Variants in NEK11 observed in about 807,000 individuals in gnomAD.
NEK11 encodes NIMA related kinase 11, also known as serine/threonine-protein kinase Nek11.
In NEK11, 72 loss-of-function variants were observed where a neutral mutation model predicts 80.7. The observed-to-expected ratio is 0.89, with a 90% CI of 0.74 to 1.08. The LOEUF (loss-of-function observed/expected upper bound fraction) is 1.08, where lower values mean the gene tolerates loss of function less well. Among genes scored for constraint, NEK11 ranks in the 50% least tolerant of loss-of-function variants. The pLI is 0.00. For missense variants in NEK11, 764 were observed against 763.6 expected (o/e 1.00, Z -0.01); for synonymous variants, 251 against 260.7 (o/e 0.96, Z 0.36).
intron 4 of NEK11, among the ~76,000 whole-genome samples, chr3:131,102,423 C>T (rs1025262300): frequency 6.6e-6 from 1 of 152,104 alleles, no homozygotes; most frequent in South Asian, 2.1e-4. Context: ...TTTATTTCTC[C>T]TTCACTTATG....
intron 3 of NEK11, among the ~76,000 whole-genome samples, chr3:131,070,732 G>A (rs2073128786): frequency 6.6e-6 from 1 of 152,138 alleles, no homozygotes; most frequent in Non-Finnish European, 1.5e-5. Flanking sequence ...TTACTCATTA[G>A]ACACTGAAGA....
rs1487188824 is a variant in NEK11 at position 131,058,209 on chromosome 3, C to T, written c.171-22214C>T. Among the ~76,000 whole-genome samples the T allele has an allele frequency of 4.6e-5, 7 of 152,024 alleles. No individual in the cohort carries two copies. The South Asian group carries it at 6.2e-4, about 14-fold the overall frequency. On this transcript the variant is annotated intron_variant, in intron 3 of 17. Coordinates refer to ENST00000383366, the MANE Select transcript of NEK11 (RefSeq NM_024800.5). ...AGATCAGATAGTTGTAGATATGCGG[C>T]GTTATTTCTGAGGGCTCTGTTCTGT...
chr3:131,115,952 T>TTCTTTCTTTTCTTTCTTTCTTTC (rs2081072895), intron 5 of NEK11, among the ~76,000 whole-genome samples: 1 of 133,104 alleles, frequency 7.5e-6, no homozygotes, highest in African/African-American at 2.9e-5. Flanking sequence ...CTTTCTTTCT[T>TTCTTTCTTTTCTTTCTTTCTTTC]TCTTTCTTTC....
At chr3:131,270,041 A>G (rs1052965358) in intron 16 of NEK11, among the ~76,000 whole-genome samples, 8 of 152,104 alleles carry the variant, frequency 5.3e-5, no homozygotes, top group African/African-American at 9.7e-5. Context: ...TCCATTCCCA[A>G]TGGGATCCTA....
At chr3:131,181,173 C>T (rs913032674) in intron 14 of NEK11, among the ~76,000 whole-genome samples, 1 of 152,156 alleles carries the variant, frequency 6.6e-6, no homozygotes, top group African/African-American at 2.4e-5. Context: ...TATTTGGATG[C>T]TCTCAGTGCC....
intron 14 of NEK11, among the ~76,000 whole-genome samples, chr3:131,187,747 CTG>C (rs1183377284): frequency 6.6e-6 from 1 of 152,116 alleles, no homozygotes; most frequent in East Asian, 1.9e-4. Flanking sequence ...GGACCAAACA[CTG>C]TGATACTATT....
chr3:131,118,047 G>T (rs573005816), intron 5 of NEK11, among the ~76,000 whole-genome samples: 2 of 152,250 alleles, frequency 1.3e-5, no homozygotes, highest in Admixed American at 1.3e-4. Flanking sequence ...TCCCTGTCTT[G>T]TGCCAGTTTT....
At chr3:131,337,403 G>A (rs1331260312) in intron 17 of NEK11, among the ~76,000 whole-genome samples, 6 of 151,704 alleles carry the variant, frequency 4.0e-5, no homozygotes, top group African/African-American at 1.5e-4. Flanking sequence ...CTCATAGGTG[G>A]GAATTGAACA....
intron 4 of NEK11, among the ~76,000 whole-genome samples, chr3:131,106,792 A>G (rs944903572): frequency 2.0e-5 from 3 of 152,216 alleles, no homozygotes; most frequent in African/African-American, 7.2e-5. Flanking sequence ...TATGTTACAC[A>G]TTCATAACAT....
At chr3:131,162,631 T>C (rs1335497991) in intron 11 of NEK11, 104 bp downstream of exon 11, 2 of 1,260,950 alleles carry the variant, frequency 1.6e-6, no homozygotes, top group Admixed American at 4.3e-5. Context: ...CCCCAATGCA[T>C]ACGATTATGT....
At chr3:131,178,514 G>A (rs899958265) in intron 14 of NEK11, among the ~76,000 whole-genome samples, 3 of 151,858 alleles carry the variant, frequency 2.0e-5, no homozygotes, top group African/African-American at 7.3e-5. Context: ...TGTTAAAAAC[G>A]AAGTCACGAA....
intron 17 of NEK11, among the ~76,000 whole-genome samples, chr3:131,321,731 T>A (rs931110013): frequency 2.6e-5 from 4 of 152,064 alleles, no homozygotes; most frequent in Non-Finnish European, 4.4e-5. Context: ...CCAAGAAACA[T>A]GAAAACATGC....
intron 5 of NEK11, among the ~76,000 whole-genome samples, chr3:131,111,355 T>G (rs2080102056): frequency 6.6e-6 from 1 of 152,192 alleles, no homozygotes; most frequent in Non-Finnish European, 1.5e-5. Context: ...CCTTTGTGAT[T>G]CAGGTAACAA....
chr3:131,196,339 G>T (rs2150333197), intron 14 of NEK11, among the ~76,000 whole-genome samples: 1 of 151,936 alleles, frequency 6.6e-6, no homozygotes, highest in South Asian at 2.1e-4. Flanking sequence ...GATTCTTACT[G>T]TATAACACAC....
At chr3:131,152,832 C>CA (rs1407939679) in intron 9 of NEK11, 123 bp downstream of exon 9, 5 of 722,246 alleles carry the variant, frequency 6.9e-6, no homozygotes, top group Non-Finnish European at 1.1e-5. Flanking sequence ...GGAAAAAGGC[C>CA]AAAAAGAAGC....
intron 16 of NEK11, among the ~76,000 whole-genome samples, chr3:131,247,251 G>A (rs892975804): frequency 2.6e-5 from 4 of 151,894 alleles, no homozygotes; most frequent in Non-Finnish European, 2.9e-5. Context: ...TTATGGTTTC[G>A]GTCTTACATT....
At chr3:131,145,499 C>T (rs768896663) in intron 7 of NEK11, among the ~76,000 whole-genome samples, 5 of 152,034 alleles carry the variant, frequency 3.3e-5, no homozygotes, top group East Asian at 1.9e-4. Flanking sequence ...CTATATTTGC[C>T]GTGGTGTGAC....
intron 3 of NEK11, among the ~76,000 whole-genome samples, chr3:131,078,691 G>A (rs2074777198): frequency 6.6e-6 from 1 of 152,010 alleles, no homozygotes; most frequent in African/African-American, 2.4e-5. Flanking sequence ...TTTAAAAATG[G>A]TAGAAGCTCT....
At chr3:131,177,177 T>C (rs540411964) in intron 14 of NEK11, among the ~76,000 whole-genome samples, 1 of 152,348 alleles carries the variant, frequency 6.6e-6, no homozygotes, top group African/African-American at 2.4e-5. Context: ...AGAACATTGT[T>C]ATGATGGCCA....
Sources: gnomAD v4.1 joint callset for allele counts (sites outside exome capture counted in the v4.1 genomes callset) on GRCh38, gnomAD v4.1.1 for gene constraint, MANE v1.5 for transcripts, NCBI Gene and HGNC (gene_info 2026-07-23, HGNC 2026-07-21) for gene names.